Variants in CMIP observed in about 807,000 individuals in gnomAD.
CMIP encodes the protein c-Maf inducing protein.
In CMIP, 13 loss-of-function variants were observed where a neutral mutation model predicts 97.3. That is an observed-to-expected ratio of 0.13 (90% CI 0.09 to 0.21). The LOEUF (loss-of-function observed/expected upper bound fraction) is 0.21, where lower values mean the gene tolerates loss of function less well. Among genes scored for constraint, CMIP ranks in the 10% least tolerant of loss-of-function variants. The pLI is 1.00. For synonymous variants in CMIP, 538 were observed against 436.3 expected (o/e 1.23, Z -2.91); for missense variants, 847 against 1,024.9 (o/e 0.83, Z 2.37).
intron 1 of CMIP, among the ~76,000 whole-genome samples, chr16:81,547,342 C>T (rs1160448780): frequency 6.6e-6 from 1 of 152,150 alleles, no homozygotes; most frequent in Non-Finnish European, 1.5e-5. Context: ...CACAGACCAG[C>T]TCCTGCAGAT....
At chr16:81,631,783 C>A (rs1391856638) in intron 3 of CMIP, 1 of 152,206 alleles carries the variant, frequency 6.6e-6, no homozygotes, top group Non-Finnish European at 1.5e-5. Flanking sequence ...CTCTAGTGTA[C>A]ATCTTTTGGT....
At position 81,652,170 on chromosome 16, in the gene CMIP, A is replaced by T. The variant is rs757164574; in HGVS notation, c.478-33A>T. ...ATCTTCTGCCTTCCTTACGTGAGTAACATGTTGCTGTCTCTTTATCTCTTT... is the reference window on the plus strand; with the variant it reads ...ATCTTCTGCCTTCCTTACGTGAGTATCATGTTGCTGTCTCTTTATCTCTTT... On this transcript the variant is annotated intron_variant, in intron 3 of 20. Transcript: ENST00000537098. This position sits in a 1 kb window ranked among gnomAD's most constrained non-coding sequence, Gnocchi z 5.2. 6.4e-7 allele frequency: 1 copy of T among 1,572,234 alleles called. No individual in the cohort carries two copies. The highest frequency in any genetic ancestry group is 1.4e-5 in the African/African-American group (1 of 74,006).
intron 1 of CMIP, among the ~76,000 whole-genome samples, chr16:81,471,336 ATATG>A (rs1907528620): frequency 6.6e-6 from 1 of 152,260 alleles, no homozygotes; most frequent in Non-Finnish European, 1.5e-5. Flanking sequence ...GCACACATAA[ATATG>A]TATAGGTGCA....
chr16:81,585,184 A>G (rs1028910008), intron 1 of CMIP, among the ~76,000 whole-genome samples: 5 of 152,166 alleles, frequency 3.3e-5, no homozygotes, highest in Non-Finnish European at 7.3e-5. Context: ...TCTACTAGAA[A>G]TACAAAAATT....
intron 9 of CMIP, among the ~76,000 whole-genome samples, chr16:81,674,358 C>T (rs2092709558): frequency 6.6e-6 from 1 of 152,198 alleles, no homozygotes; most frequent in Non-Finnish European, 1.5e-5. Context: ...GTCTTGATCT[C>T]CTGACCTCGT....
At chr16:81,643,977 C>A (rs2092335108) in intron 3 of CMIP, among the ~76,000 whole-genome samples, 1 of 152,040 alleles carries the variant, frequency 6.6e-6, no homozygotes, top group Non-Finnish European at 1.5e-5. Context: ...CCCGGAGGCA[C>A]TAGGGTTGTC....
intron 1 of CMIP, among the ~76,000 whole-genome samples, chr16:81,503,856 G>A (rs1418549266): frequency 6.6e-6 from 1 of 152,240 alleles, no homozygotes; most frequent in East Asian, 1.9e-4. Flanking sequence ...AGTGACAGAC[G>A]TCATCACCTG....
At chr16:81,644,744 T>A (rs957806601) in intron 3 of CMIP, among the ~76,000 whole-genome samples, 1 of 152,174 alleles carries the variant, frequency 6.6e-6, no homozygotes, top group Non-Finnish European at 1.5e-5. Flanking sequence ...CCAGCCATTG[T>A]CCCCGGGTGT....
At chr16:81,590,430 C>T (rs1281133359) in intron 1 of CMIP, among the ~76,000 whole-genome samples, 4 of 152,188 alleles carry the variant, frequency 2.6e-5, no homozygotes, top group Non-Finnish European at 5.9e-5. Context: ...GTCACCTTGT[C>T]CGGGGTCCTG....
chr16:81,592,047 C>T (rs1401072405), intron 1 of CMIP, among the ~76,000 whole-genome samples: 1 of 152,044 alleles, frequency 6.6e-6, no homozygotes, highest in Admixed American at 6.5e-5. Context: ...TGGTCTCAAA[C>T]TCCTGGGCTC....
At chr16:81,502,913 G>A (rs554135373) in intron 1 of CMIP, among the ~76,000 whole-genome samples, 3 of 152,276 alleles carry the variant, frequency 2.0e-5, no homozygotes, top group Admixed American at 1.3e-4. Context: ...CTGCAATGCC[G>A]GGTAATCACT....
intron 1 of CMIP, among the ~76,000 whole-genome samples, chr16:81,521,031 T>C (rs1020830564): frequency 2.0e-5 from 3 of 152,264 alleles, no homozygotes; most frequent in African/African-American, 7.2e-5. Context: ...TGATGCATTT[T>C]GCCCTGGAGC....
intron 1 of CMIP, among the ~76,000 whole-genome samples, chr16:81,568,916 C>A (rs2091033322): frequency 6.6e-6 from 1 of 152,208 alleles, no homozygotes; most frequent in Admixed American, 6.5e-5. Context: ...CAGTGAGAAA[C>A]TGTGACTGCC....
chr16:81,571,782 C>T (rs79517918), intron 1 of CMIP, among the ~76,000 whole-genome samples: 111 of 152,278 alleles, frequency 7.3e-4, no homozygotes, highest in African/African-American at 2.6e-3. Flanking sequence ...CATACCCTGC[C>T]TCGACCGTGC....
chr16:81,584,778 G>C (rs1260416685), intron 1 of CMIP, among the ~76,000 whole-genome samples: 1 of 152,222 alleles, frequency 6.6e-6, no homozygotes, highest in Middle Eastern at 3.2e-3. Flanking sequence ...AATCCCCTGA[G>C]ACCCTAGTAC....
intron 10 of CMIP, among the ~76,000 whole-genome samples, chr16:81,690,795 G>T (rs141634119): frequency 6.6e-6 from 1 of 152,064 alleles, no homozygotes; most frequent in Non-Finnish European, 1.5e-5. Context: ...GCATAGTGGC[G>T]CACGCCTATA....
At chr16:81,648,208 T>C (rs1232258883) in intron 3 of CMIP, among the ~76,000 whole-genome samples, 3 of 151,788 alleles carry the variant, frequency 2.0e-5, no homozygotes, top group Non-Finnish European at 4.4e-5. Context: ...CCCTCACTGA[T>C]GTGATGGAAA....
At chr16:81,466,194 G>A (rs1907195176) in intron 1 of CMIP, among the ~76,000 whole-genome samples, 1 of 152,136 alleles carries the variant, frequency 6.6e-6, no homozygotes, top group Non-Finnish European at 1.5e-5. Context: ...TCGAGTAGCT[G>A]GGCCTGCGGG....
chr16:81,516,988 C>A (rs1425049975), intron 1 of CMIP, among the ~76,000 whole-genome samples: 2 of 151,572 alleles, frequency 1.3e-5, no homozygotes, highest in Admixed American at 1.3e-4. Context: ...CAGAAGGCCT[C>A]CAAGGTCATC....
Sources: gnomAD v4.1 joint callset for allele counts (sites outside exome capture counted in the v4.1 genomes callset) on GRCh38, gnomAD v4.1.1 for gene constraint, Gnocchi (gnomAD v3.1) non-coding constraint, MANE v1.5 for transcripts, NCBI Gene and HGNC (gene_info 2026-07-23, HGNC 2026-07-21) for gene names.